Variants in PTPRE observed in about 807,000 individuals in gnomAD.
PTPRE encodes protein tyrosine phosphatase receptor type E, also known as receptor-type tyrosine-protein phosphatase epsilon.
A neutral mutation model predicts 102.0 loss-of-function variants in PTPRE; 51 were observed. The ratio of observed to expected loss-of-function variants is 0.50; its 90% confidence interval spans 0.40 to 0.63. The LOEUF is 0.63. Among genes scored for constraint, PTPRE ranks in the 30% least tolerant of loss-of-function variants. PTPRE has a pLI of 0.00. For synonymous variants in PTPRE, 345 were observed against 348.2 expected (o/e 0.99, Z 0.10); for missense variants, 752 against 915.1 (o/e 0.82, Z 2.30).
At chr10:128,069,853 G>C in intron 13 of PTPRE, 26 bp downstream of exon 13, 1 of 1,614,158 alleles carries the variant, frequency 6.2e-7, no homozygotes, top group Non-Finnish European at 8.5e-7. Context: ...CTCTTGCCCT[G>C]ATCTAGCTTC....
chr10:128,030,177 G>C (rs1042162476), intron 2 of PTPRE, among the ~76,000 whole-genome samples: 1 of 152,338 alleles, frequency 6.6e-6, no homozygotes, highest in South Asian at 2.1e-4. Context: ...AAACACCACC[G>C]TTCGCTTTGC....
chr10:127,962,327 G>C (rs983995620), intron 1 of PTPRE, among the ~76,000 whole-genome samples: 4 of 152,196 alleles, frequency 2.6e-5, no homozygotes, highest in African/African-American at 9.7e-5. Context: ...AGGCCACGGG[G>C]CTCCTTTCTT....
chr10:128,003,948 T>A (rs1324013710), intron 2 of PTPRE, among the ~76,000 whole-genome samples: 1 of 150,572 alleles, frequency 6.6e-6, no homozygotes, highest in Admixed American at 6.6e-5. Flanking sequence ...CCAGCGCGTC[T>A]GCCAGGACCA....
At chr10:127,957,259 A>C (rs1849471631) in intron 1 of PTPRE, among the ~76,000 whole-genome samples, 1 of 152,164 alleles carries the variant, frequency 6.6e-6, no homozygotes, top group Non-Finnish European at 1.5e-5. Flanking sequence ...GAAGGGTATA[A>C]AGCCTGTGTG....
intron 1 of PTPRE, among the ~76,000 whole-genome samples, chr10:127,930,872 A>G (rs535581426): frequency 9.6e-4 from 145 of 150,346 alleles, no homozygotes; most frequent in African/African-American, 3.5e-3. Context: ...GGCTCACTGC[A>G]ACTTCAGCCT....
intron 1 of PTPRE, among the ~76,000 whole-genome samples, chr10:127,918,366 G>A (rs1025721812): frequency 6.6e-6 from 1 of 152,040 alleles, no homozygotes; most frequent in Non-Finnish European, 1.5e-5. Context: ...AGACCATCCT[G>A]GCTAACACGG....
chr10:128,004,711 A>G (rs1854337328), intron 2 of PTPRE, among the ~76,000 whole-genome samples: 1 of 152,220 alleles, frequency 6.6e-6, no homozygotes, highest in Non-Finnish European at 1.5e-5. Flanking sequence ...TACGATAATC[A>G]TGGATGAGTT....
intron 2 of PTPRE, among the ~76,000 whole-genome samples, chr10:127,990,592 G>A (rs1852546000): frequency 6.6e-6 from 1 of 152,120 alleles, no homozygotes; most frequent in Non-Finnish European, 1.5e-5. Context: ...GTCTGGATTT[G>A]GAGTTAGCAA....
At chr10:128,023,344 A>G (rs1043858400) in intron 2 of PTPRE, among the ~76,000 whole-genome samples, 2 of 152,126 alleles carry the variant, frequency 1.3e-5, no homozygotes, top group Non-Finnish European at 2.9e-5. Flanking sequence ...TGTATAGGAA[A>G]AAAGATAGTA....
intron 11 of PTPRE, among the ~76,000 whole-genome samples, chr10:128,067,323 T>G (rs531169795): frequency 6.7e-6 from 1 of 148,286 alleles, no homozygotes; most frequent in South Asian, 2.2e-4. Flanking sequence ...TTCACACATG[T>G]GCACACACAT....
intron 1 of PTPRE, among the ~76,000 whole-genome samples, chr10:127,912,953 CG>C (rs777649273): frequency 1.3e-5 from 2 of 152,296 alleles, no homozygotes; most frequent in East Asian, 3.9e-4. Context: ...GTGGAAGCCA[CG>C]GGGCTTTATT....
intron 1 of PTPRE, among the ~76,000 whole-genome samples, chr10:127,936,462 G>GCCTGGAC (rs767160301): frequency 6.6e-6 from 1 of 152,202 alleles, no homozygotes; most frequent in Non-Finnish European, 1.5e-5. Context: ...GTCTGGGCTT[G>GCCTGGAC]CCTGGACCGC....
chr10:128,000,657 G>A (rs977580094), intron 2 of PTPRE, among the ~76,000 whole-genome samples: 3 of 152,336 alleles, frequency 2.0e-5, no homozygotes, highest in African/African-American at 4.8e-5. Context: ...TACTTATGAT[G>A]AGAACAGACT....
intron 1 of PTPRE, among the ~76,000 whole-genome samples, chr10:127,909,325 G>T (rs1343230738): frequency 7.9e-5 from 12 of 152,146 alleles, no homozygotes; most frequent in Admixed American, 7.9e-4. Flanking sequence ...TGGGGGTGAT[G>T]GTAGATGCAT....
intron 1 of PTPRE, among the ~76,000 whole-genome samples, chr10:127,953,739 C>A (rs1849207732): frequency 6.6e-6 from 1 of 152,180 alleles, no homozygotes; most frequent in Non-Finnish European, 1.5e-5. Context: ...TATGTAGGCA[C>A]CACCAGGAAG....
At chr10:128,066,578 C>T (rs1055587206) in intron 11 of PTPRE, among the ~76,000 whole-genome samples, 2 of 152,138 alleles carry the variant, frequency 1.3e-5, no homozygotes, top group African/African-American at 4.8e-5. Context: ...GAAACCTCCT[C>T]GTTATTTTCC....
chr10:127,918,169 C>A (rs1846336681), intron 1 of PTPRE, among the ~76,000 whole-genome samples: 1 of 152,116 alleles, frequency 6.6e-6, no homozygotes, highest in Non-Finnish European at 1.5e-5. Context: ...CTGATGGGGA[C>A]AAACAGGAGT....
At chr10:128,026,247 C>T (rs1392305980) in intron 2 of PTPRE, among the ~76,000 whole-genome samples, 2 of 152,370 alleles carry the variant, frequency 1.3e-5, no homozygotes, top group Non-Finnish European at 2.9e-5. Flanking sequence ...CTCTGACCTC[C>T]CTGTCCTCAT....
At chr10:127,970,141 T>C (rs1031692497) in intron 1 of PTPRE, among the ~76,000 whole-genome samples, 1 of 152,186 alleles carries the variant, frequency 6.6e-6, no homozygotes, top group Admixed American at 6.5e-5. Flanking sequence ...CCCAGTGGCC[T>C]GGAAGTCCAG....
Sources: gnomAD v4.1 joint callset for allele counts (sites outside exome capture counted in the v4.1 genomes callset) on GRCh38, gnomAD v4.1.1 for gene constraint, MANE v1.5 for transcripts, NCBI Gene and HGNC (gene_info 2026-07-23, HGNC 2026-07-21) for gene names.